The following MAP2K3 variants were observed in gnomAD, a reference collection of about 807,000 sequenced individuals.
The protein encoded by MAP2K3 is mitogen-activated protein kinase kinase 3, also known as dual specificity mitogen-activated protein kinase kinase 3.
In MAP2K3, 30 loss-of-function variants were observed where a neutral mutation model predicts 46.4. The ratio of observed to expected loss-of-function variants is 0.65; its 90% CI spans 0.48 to 0.88. The LOEUF (loss-of-function observed/expected upper bound fraction) is 0.88, where lower values mean the gene tolerates loss of function less well. Ranked by LOEUF, MAP2K3 falls within the 40% of genes least tolerant of loss-of-function variation. MAP2K3 has a pLI of 0.00. For synonymous variants in MAP2K3, 189 were observed against 176.3 expected, an observed-to-expected ratio of 1.07 and a Z score of -0.57; for missense variants, 380 against 464.5, an observed-to-expected ratio of 0.82 and a Z score of 1.67.
chr17:21,301,041 A>G (rs1976570679), intron 5 of MAP2K3, 48 bp downstream of exon 5: 2 of 1,613,072 alleles, frequency 1.2e-6, no homozygotes, highest in African/African-American at 2.7e-5. Flanking sequence ...CCCACCCATC[A>G]GTCGCCTGCA....
At chr17:21,299,198 C>T (rs1976448303) in intron 3 of MAP2K3, among the ~76,000 whole-genome samples, 1 of 152,294 alleles carries the variant, frequency 6.6e-6, no homozygotes, top group Non-Finnish European at 1.5e-5. Flanking sequence ...CAAGGCCCTG[C>T]ACCTCATCCT....
Position 21,313,501 on chromosome 17 carries a change from G to A in MAP2K3, c.924G>A (p.Lys308=). The change falls in exon 11 of 12, where the codon AAG becomes AAA. Residue 308 remains lysine (K), a synonymous_variant. Transcript: ENST00000342679. ...CACTATTCTCTCCTAGCCTGAGGAA[G>A]AACCCCGCAGAGCGTATGAGCTACC... ...FVDFTAQCLR[K]NPAERMSYLE... 1.9e-6 allele frequency: 3 copies of A among 1,583,436 alleles called. No individual in the cohort carries two copies. The highest frequency in any genetic ancestry group is 2.2e-5 in the South Asian group (2 of 90,686).
At chr17:21,302,486 A>G (rs1339424125) in intron 6 of MAP2K3, among the ~76,000 whole-genome samples, 1 of 152,310 alleles carries the variant, frequency 6.6e-6, no homozygotes, top group East Asian at 1.9e-4. Flanking sequence ...AGCCCCACAG[A>G]TTTGGCAGAT....
chr17:21,288,238 T>C, intron 1 of MAP2K3: 1 of 531,500 alleles, frequency 1.9e-6, no homozygotes, highest in Non-Finnish European at 3.0e-6. Flanking sequence ...GCTGGGGCAC[T>C]GGAGGTGGCC....
chr17:21,299,527 C>G (rs866211850), intron 3 of MAP2K3, among the ~76,000 whole-genome samples: 18 of 152,128 alleles, frequency 1.2e-4, no homozygotes, highest in Middle Eastern at 6.8e-3. Flanking sequence ...TACAAAAATA[C>G]AGAAAATTAG....
intron 1 of MAP2K3, among the ~76,000 whole-genome samples, chr17:21,287,075 C>T (rs979817209): frequency 5.9e-5 from 9 of 152,274 alleles, no homozygotes; most frequent in Admixed American, 6.5e-5. Context: ...AGGGTTCCCC[C>T]TAGGACTGTG....
intron 9 of MAP2K3, among the ~76,000 whole-genome samples, chr17:21,306,729 C>T (rs62057739): frequency 2.8e-5 from 4 of 142,224 alleles, no homozygotes; most frequent in African/African-American, 7.8e-5. Context: ...GTGATCTGCC[C>T]GCCTCAGACT....
chr17:21,296,860 G>A (rs1976281763), intron 1 of MAP2K3, among the ~76,000 whole-genome samples: 2 of 152,310 alleles, frequency 1.3e-5, no homozygotes, highest in South Asian at 2.1e-4. Context: ...GATTCATGGG[G>A]TGAGCAGTTA....
chr17:21,313,028 T>C (rs1597507861), intron 10 of MAP2K3, among the ~76,000 whole-genome samples: 1 of 151,696 alleles, frequency 6.6e-6, no homozygotes, highest in East Asian at 1.9e-4. Context: ...AGCGGCCGGG[T>C]GCGGTGGCTC....
intron 9 of MAP2K3, among the ~76,000 whole-genome samples, chr17:21,310,469 G>T (rs1977111087): frequency 6.6e-6 from 1 of 152,248 alleles, no homozygotes; most frequent in South Asian, 2.1e-4. Flanking sequence ...GGGAGCGACT[G>T]ATGAAACAGA....
chr17:21,298,802 C>T, intron 2 of MAP2K3, 76 bp from the exon 3 acceptor site: 1 of 1,608,426 alleles, frequency 6.2e-7, no homozygotes, highest in Non-Finnish European at 8.5e-7. Flanking sequence ...CCAGGCCCCA[C>T]ACTGGCCCAT....
chr17:21,298,886 G>A lies in MAP2K3; in HGVS notation c.125G>A (p.Arg42Gln), dbSNP rs139443409. The A allele has an allele frequency of 2.7e-5, 44 of 1,614,204 alleles. No homozygotes were observed. Among genetic ancestry groups the A allele is most frequent in the Middle Eastern group, 1.7e-4 (1 of 6,058 alleles). The change falls in exon 3 of 12, where the codon CGG becomes CAG. Residue 42 changes from arginine to glutamine, a missense_variant. Around this residue, in one of 5 missense-constraint regions of MAP2K3, gnomAD observed 294 missense variants for 275.4 expected, o/e 1.07. Transcript: ENST00000342679. ...KPPAPNPTPP[R>Q]NLDSRTFITI... is the part of the protein sequence containing the mutation. ...GTCTTCTTTCTCCACAGACCCCCCC[G>A]GAACCTGGACTCCCGGACCTTCATC... is the stretch of plus-strand genomic sequence containing the variant.
At chr17:21,297,884 G>A (rs1355982517) in intron 1 of MAP2K3, among the ~76,000 whole-genome samples, 1 of 95,020 alleles carries the variant, frequency 1.1e-5, no homozygotes, top group Non-Finnish European at 2.2e-5. Context: ...GCCCAGCAGA[G>A]CTAGCCTGGA....
chr17:21,303,496 G>A (rs1250089259), intron 7 of MAP2K3, among the ~76,000 whole-genome samples: 3 of 152,308 alleles, frequency 2.0e-5, no homozygotes, highest in Non-Finnish European at 2.9e-5. Context: ...TTTACAAATC[G>A]TGAAACTCCA....
chr17:21,310,350 C>T (rs1977106191), intron 9 of MAP2K3, among the ~76,000 whole-genome samples: 1 of 152,176 alleles, frequency 6.6e-6, no homozygotes, highest in African/African-American at 2.4e-5. Flanking sequence ...GTATCCCTTC[C>T]AAAGACTCCA....
chr17:21,289,413 A>G (rs907434949), intron 1 of MAP2K3, among the ~76,000 whole-genome samples: 1 of 128,506 alleles, frequency 7.8e-6, no homozygotes, highest in Non-Finnish European at 1.6e-5. Flanking sequence ...TCATGGTTCT[A>G]GGGGCTCAGT....
At chr17:21,287,891 C>T in intron 1 of MAP2K3, 1 of 479,442 alleles carries the variant, frequency 2.1e-6, no homozygotes. Flanking sequence ...ACTGTTGTAT[C>T]CTAGCCCTGC....
intron 1 of MAP2K3, chr17:21,287,975 C>T: frequency 8.0e-7 from 1 of 1,254,558 alleles, no homozygotes; most frequent in Non-Finnish European, 1.0e-6. Flanking sequence ...TCCCCCACCC[C>T]TCTTGTGACG....
At chr17:21,302,072 G>C in intron 5 of MAP2K3, 71 bp from the exon 6 acceptor site, 1 of 1,467,224 alleles carries the variant, frequency 6.8e-7, no homozygotes, top group Non-Finnish European at 9.5e-7. Flanking sequence ...GCTGGTGCTG[G>C]GGCAGGCAGT....
Sources: allele counts gnomAD v4.1 joint callset (sites outside exome capture counted in the v4.1 genomes callset), GRCh38; gene constraint gnomAD v4.1.1; regional missense constraint gnomAD v4.1.1; transcripts MANE v1.5; gene names NCBI Gene and HGNC (gene_info 2026-07-23, HGNC 2026-07-21).